NAALADL2: variants seen among roughly 807,000 people sequenced by gnomAD.
NAALADL2 encodes the protein inactive N-acetylated-alpha-linked acidic dipeptidase-like protein 2.
Under a neutral mutation model 87.2 loss-of-function variants are expected in NAALADL2, and 76 were observed. The observed-to-expected ratio is 0.87, with a 90% CI of 0.72 to 1.05. The LOEUF is 1.05. Ranked by LOEUF, NAALADL2 falls within the 50% of genes least tolerant of loss-of-function variation. The pLI is 0.00. For synonymous variants in NAALADL2, 354 were observed against 331.0 expected (o/e 1.07, Z -0.75); for missense variants, 1,089 against 945.8 (o/e 1.15, Z -1.99).
intron 1 of NAALADL2, among the ~76,000 whole-genome samples, chr3:175,078,417 T>A (rs537839380): frequency 6.6e-6 from 1 of 151,930 alleles, no homozygotes; most frequent in African/African-American, 2.4e-5. Flanking sequence ...TTTTAAAAAA[T>A]TATTTAGATA....
chr3:175,539,727 G>C (rs1711971435), intron 9 of NAALADL2, among the ~76,000 whole-genome samples: 1 of 152,110 alleles, frequency 6.6e-6, no homozygotes, highest in South Asian at 2.1e-4. Flanking sequence ...ATTGTTCATA[G>C]TGTTAGGACA....
At chr3:175,519,471 T>C (rs897356000) in intron 9 of NAALADL2, among the ~76,000 whole-genome samples, 2 of 152,146 alleles carry the variant, frequency 1.3e-5, no homozygotes, top group African/African-American at 4.8e-5. Flanking sequence ...ATTCAAACCA[T>C]AGCATGCACA....
intron 1 of NAALADL2, among the ~76,000 whole-genome samples, chr3:174,503,484 C>T (rs534309997): frequency 5.1e-4 from 78 of 152,182 alleles, no homozygotes; most frequent in African/African-American, 1.7e-3. Flanking sequence ...TTTTGGAGAT[C>T]TGACTTAATG....
At chr3:175,180,281 A>G (rs1199184790) in intron 2 of NAALADL2, among the ~76,000 whole-genome samples, 1 of 152,070 alleles carries the variant, frequency 6.6e-6, no homozygotes, top group African/African-American at 2.4e-5. Context: ...TTCTCTTAAC[A>G]TATAAAAATG....
chr3:175,058,136 G>A (rs1053093342), intron 1 of NAALADL2, among the ~76,000 whole-genome samples: 3 of 152,060 alleles, frequency 2.0e-5, no homozygotes, highest in African/African-American at 4.8e-5. Flanking sequence ...CTTCTCAACT[G>A]AATGGTTTGG....
At chr3:175,392,029 A>C (rs1174745951) in intron 5 of NAALADL2, among the ~76,000 whole-genome samples, 4 of 152,182 alleles carry the variant, frequency 2.6e-5, no homozygotes, top group Non-Finnish European at 5.9e-5. Flanking sequence ...GAAGAAATTG[A>C]AGTTTGGAGA....
chr3:175,398,344 C>G (rs899878725), intron 5 of NAALADL2, among the ~76,000 whole-genome samples: 4 of 112,056 alleles, frequency 3.6e-5, no homozygotes, highest in African/African-American at 1.0e-4. Context: ...GCTTCTGCTA[C>G]TTTTTTTTTT....
At chr3:174,494,735 TATTTA>T (rs1367674108) in intron 1 of NAALADL2, among the ~76,000 whole-genome samples, 1 of 152,120 alleles carries the variant, frequency 6.6e-6, no homozygotes, top group Non-Finnish European at 1.5e-5. Context: ...TTATGAGATA[TATTTA>T]ATTTGATTGA....
intron 2 of NAALADL2, among the ~76,000 whole-genome samples, chr3:175,176,007 G>T (rs10936824): frequency 0.27 from 40,782 of 151,976 alleles, 6,150 homozygotes; most frequent in Non-Finnish European, 0.34. Flanking sequence ...AAATTGTTTT[G>T]AAAAGACTAA....
At chr3:174,760,612 G>C (rs1712801368) in intron 3 of NAALADL2, among the ~76,000 whole-genome samples, 1 of 152,202 alleles carries the variant, frequency 6.6e-6, no homozygotes, top group Non-Finnish European at 1.5e-5. Context: ...TGTCAGGAAG[G>C]CAGGTCTCTA....
chr3:175,708,019 A>G (rs552847484), intron 11 of NAALADL2, among the ~76,000 whole-genome samples: 5 of 152,122 alleles, frequency 3.3e-5, no homozygotes, highest in African/African-American at 1.2e-4. Context: ...AAAAACAAAC[A>G]AACGAACAAA....
Position 174,599,840 on chromosome 3 carries a change from T to C in NAALADL2, c.-115+49203T>C, listed in dbSNP as rs560609889. Among the ~76,000 whole-genome samples, 24 of 152,216 alleles carry C rather than the reference T, an allele frequency of 1.6e-4. No individual in the cohort carries two copies. The East Asian group carries it at 4.6e-3, about 29-fold the overall frequency. On this transcript the variant is annotated intron_variant, in intron 2 of 3. Transcript: ENST00000434257. ...CCCTGGTATTTGACCTGAAAAACAA[T>C]GAAAGCCTTAGTGCTCAATTTTTAG...
chr3:175,177,460 T>C (rs1735849181), intron 2 of NAALADL2, among the ~76,000 whole-genome samples: 1 of 152,100 alleles, frequency 6.6e-6, no homozygotes. Context: ...CAGACCCTAC[T>C]CCGATCACTC....
chr3:175,109,597 A>G (rs1293715282), intron 2 of NAALADL2, among the ~76,000 whole-genome samples: 1 of 151,826 alleles, frequency 6.6e-6, no homozygotes, highest in African/African-American at 2.4e-5. Flanking sequence ...ATAGTTTACA[A>G]AGGTATCTAG....
At chr3:175,354,038 G>A (rs1389809273) in intron 5 of NAALADL2, among the ~76,000 whole-genome samples, 1 of 152,134 alleles carries the variant, frequency 6.6e-6, no homozygotes, top group Non-Finnish European at 1.5e-5. Context: ...GTGTACCACT[G>A]CAGCTTTTTC....
At chr3:175,329,491 A>G (rs1259531403) in intron 5 of NAALADL2, among the ~76,000 whole-genome samples, 2 of 152,202 alleles carry the variant, frequency 1.3e-5, no homozygotes, top group African/African-American at 2.4e-5. Context: ...ATATCGAAAG[A>G]CTGACTTGAG....
chr3:174,938,458 C>T (rs1238305715), intron 1 of NAALADL2, among the ~76,000 whole-genome samples: 1 of 152,016 alleles, frequency 6.6e-6, no homozygotes, highest in Non-Finnish European at 1.5e-5. Flanking sequence ...CATGTCTTTA[C>T]TATTGTGACT....
chr3:175,746,587 C>T, intron 12 of NAALADL2, among the ~76,000 whole-genome samples: 1 of 152,284 alleles, frequency 6.6e-6, no homozygotes, highest in East Asian at 1.9e-4. Context: ...AAAATCCAGA[C>T]AGTTCCAATA....
intron 2 of NAALADL2, among the ~76,000 whole-genome samples, chr3:174,714,385 C>T (rs1293053710): frequency 2.0e-5 from 3 of 152,078 alleles, no homozygotes; most frequent in African/African-American, 4.8e-5. Context: ...TGTAAATTAC[C>T]TTGGGCAGTA....
Sources: allele counts gnomAD v4.1 joint callset (sites outside exome capture counted in the v4.1 genomes callset), GRCh38; gene constraint gnomAD v4.1.1; transcripts MANE v1.5; gene names NCBI Gene and HGNC (gene_info 2026-07-23, HGNC 2026-07-21).